Variants in NUP153 observed in about 807,000 individuals in gnomAD.
NUP153 encodes nuclear pore complex protein Nup153.
In NUP153, 27 loss-of-function variants were observed where a neutral mutation model predicts 134.6. The ratio of observed to expected loss-of-function variants is 0.20; its 90% CI spans 0.15 to 0.28. NUP153 has a LOEUF of 0.28. NUP153 is among the 10% of genes least tolerant of loss of function. The pLI is 1.00. For synonymous variants in NUP153, 640 were observed against 623.5 expected (o/e 1.03, Z -0.40); for missense variants, 1,821 against 1,731.3 (o/e 1.05, Z -0.92).
intron 2 of NUP153, among the ~76,000 whole-genome samples, chr6:17,686,032 C>T (rs1768900714): frequency 6.6e-6 from 1 of 152,000 alleles, no homozygotes; most frequent in African/African-American, 2.4e-5. Flanking sequence ...CCTATAGTCC[C>T]AACTACTTGG....
chr6:17,651,473 T>C (rs913431943), intron 11 of NUP153, among the ~76,000 whole-genome samples: 1 of 152,128 alleles, frequency 6.6e-6, no homozygotes, highest in African/African-American at 2.4e-5. Context: ...TAACTATAAA[T>C]GGATTTGGTG....
At chr6:17,688,945 A>G (rs937188690) in intron 1 of NUP153, among the ~76,000 whole-genome samples, 3 of 152,192 alleles carry the variant, frequency 2.0e-5, no homozygotes, top group Non-Finnish European at 2.9e-5. Context: ...ATCTCAGAGA[A>G]AAGGCATCCA....
intron 9 of NUP153, among the ~76,000 whole-genome samples, chr6:17,664,153 T>G (rs1002797812): frequency 6.6e-5 from 10 of 152,170 alleles, no homozygotes; most frequent in African/African-American, 2.4e-4. Flanking sequence ...TGATACATAC[T>G]ACGACGTGAA....
intron 5 of NUP153, among the ~76,000 whole-genome samples, chr6:17,670,192 A>C (rs1303969083): frequency 6.6e-6 from 1 of 152,016 alleles, no homozygotes; most frequent in African/African-American, 2.4e-5. Flanking sequence ...CCCCTTCGGT[A>C]ATAACAGAAT....
Position 17,706,507 on chromosome 6 carries a change from C to G in NUP153, c.-120G>C. ...CGGCCCAAAAGTCCGCCCGCGCTGT[C>G]CACACAGTGGGCACAAGCACCCCAG... On this transcript the variant is annotated 5_prime_UTR_variant, in exon 1 of 22. Coordinates refer to ENST00000262077, the MANE Select transcript of NUP153 (RefSeq NM_005124.4). This position sits in a 1 kb window ranked among gnomAD's most constrained non-coding sequence, Gnocchi z 5.9. 1.4e-6 allele frequency: 1 copy of G among 694,500 alleles called. No individual in the cohort carries two copies. Among genetic ancestry groups the G allele is most frequent in the Non-Finnish European group, 2.4e-6 (1 of 421,006 alleles). The allele number at this position is 694,500 out of a possible 1,614,324, so 43.0% of individuals were successfully genotyped here.
chr6:17,616,882 TG>T (rs1171388831), intron 20 of NUP153, among the ~76,000 whole-genome samples, 187 bp from the exon 21 acceptor site: 1 of 152,192 alleles, frequency 6.6e-6, no homozygotes, highest in Non-Finnish European at 1.5e-5. Flanking sequence ...CCCCAGTAGC[TG>T]GGACTATATA....
intron 16 of NUP153, among the ~76,000 whole-genome samples, chr6:17,636,103 G>A (rs1273285356): frequency 6.6e-6 from 1 of 152,212 alleles, no homozygotes; most frequent in Non-Finnish European, 1.5e-5. Context: ...GAAGGCCAAG[G>A]CGGATAGATC....
At position 17,624,598 on chromosome 6, in the gene NUP153, A is replaced by C. The variant is rs1249501750; in HGVS notation, c.4137T>G (p.Ser1379Arg). 2 of 1,614,082 alleles carry C rather than the reference A, an allele frequency of 1.2e-6. No individual in the cohort carries two copies. The highest frequency in any genetic ancestry group is 2.7e-5 in the African/African-American group (2 of 74,938). The change falls in exon 20 of 22, where the codon AGT becomes AGG. Residue 1379 changes from serine (S) to arginine (R), a missense_variant. Coordinates refer to ENST00000262077, the MANE Select transcript of NUP153 (RefSeq NM_005124.4). ...SQPPVFGQQP[S>R]QSAFGSGTTP... ...TTGTTCCAGAGCCAAATGCAGACTG[A>C]CTAGGTTGCTGTCCAAACACAGGGG...
chr6:17,652,002 G>T, intron 11 of NUP153: 1 of 494,982 alleles, frequency 2.0e-6, no homozygotes, highest in Non-Finnish European at 3.8e-6. Flanking sequence ...GGCTCAGGTG[G>T]CCACGCCACT....
intron 2 of NUP153, among the ~76,000 whole-genome samples, chr6:17,678,514 T>C (rs1768372477): frequency 1.3e-5 from 2 of 152,184 alleles, no homozygotes; most frequent in South Asian, 2.1e-4. Context: ...TTTTACCTAG[T>C]AACATGGTAA....
intron 9 of NUP153, among the ~76,000 whole-genome samples, chr6:17,663,001 T>C (rs994437431): frequency 4.6e-5 from 7 of 152,186 alleles, no homozygotes; most frequent in African/African-American, 1.7e-4. Flanking sequence ...AGACATGATG[T>C]TAGAATTTCT....
intron 1 of NUP153, among the ~76,000 whole-genome samples, chr6:17,692,433 G>C (rs1278791557): frequency 6.6e-6 from 1 of 152,178 alleles, no homozygotes; most frequent in Non-Finnish European, 1.5e-5. Context: ...AGAATCACTT[G>C]AGCCTAGGAA....
At chr6:17,635,360 C>T (rs970750937) in intron 16 of NUP153, among the ~76,000 whole-genome samples, 6 of 152,034 alleles carry the variant, frequency 3.9e-5, no homozygotes, top group African/African-American at 7.2e-5. Context: ...CCACTCGCCT[C>T]GGCCTCCCAA....
At chr6:17,630,776 GGAGAGAA>G (rs1428281432) in intron 17 of NUP153, among the ~76,000 whole-genome samples, 4 of 149,708 alleles carry the variant, frequency 2.7e-5, no homozygotes, top group East Asian at 2.0e-4. Context: ...AGAGGGGAGA[GGAGAGAA>G]GAGAGAAGAC....
Position 17,629,127 on chromosome 6 carries a change from A to G in NUP153, c.3072T>C (p.Phe1024=), listed in dbSNP as rs778551595. 6.2e-7 allele frequency: 1 copy of G among 1,613,730 alleles called. No individual in the cohort carries two copies. The highest frequency in any genetic ancestry group is 8.5e-7 in the Non-Finnish European group (1 of 1,179,932). Residue 1024 remains phenylalanine, a synonymous_variant, in exon 18 of 22, where the codon TTT becomes TTC. Transcript: ENST00000262077. ...LPKSSSAGFS[F]GTGVINSTPA... ...GGGTGGAGTTAATAACACCTGTACC[A>G]AAGCTAAAACCTGCAGAGGAAGATT...
chr6:17,674,758 C>A (rs1768116230), intron 5 of NUP153, 147 bp downstream of exon 5: 1 of 633,210 alleles, frequency 1.6e-6, no homozygotes, highest in East Asian at 3.9e-5. Context: ...GGCGACAGAG[C>A]CAAGACTCCA....
intron 14 of NUP153, among the ~76,000 whole-genome samples, chr6:17,644,253 C>T (rs140748720): frequency 5.1e-4 from 78 of 152,170 alleles, no homozygotes; most frequent in Middle Eastern, 6.8e-3. Flanking sequence ...ATTGAAGAAA[C>T]GCTTTTCGAT....
intron 21 of NUP153, 28 bp from the exon 22 acceptor site, chr6:17,616,209 G>T: frequency 1.5e-6 from 2 of 1,341,448 alleles, no homozygotes; most frequent in South Asian, 2.3e-5. Context: ...TTCATAATGT[G>T]ACATGATGCT....
intron 13 of NUP153, among the ~76,000 whole-genome samples, chr6:17,647,051 C>A (rs563637110): frequency 1.3e-5 from 2 of 151,990 alleles, no homozygotes; most frequent in African/African-American, 4.8e-5. Flanking sequence ...GCCACCGTGC[C>A]CGGCCTCAAA....
Sources: gnomAD v4.1 joint callset for allele counts (sites outside exome capture counted in the v4.1 genomes callset) on GRCh38, gnomAD v4.1.1 for gene constraint, Gnocchi (gnomAD v3.1) non-coding constraint, MANE v1.5 for transcripts, NCBI Gene and HGNC (gene_info 2026-07-23, HGNC 2026-07-21) for gene names.